The following CREBBP variants were observed in gnomAD, a reference collection of about 807,000 sequenced individuals.
The protein encoded by CREBBP is CREB binding lysine acetyltransferase, also known as CREB-binding protein.
In CREBBP, 19 loss-of-function variants were observed where a neutral mutation model predicts 265.0. The observed-to-expected ratio is 0.07, with a 90% confidence interval of 0.05 to 0.11. The LOEUF is 0.11. Among genes scored for constraint, CREBBP ranks in the 10% least tolerant of loss-of-function variants. The pLI is 1.00. For synonymous variants in CREBBP, 1,457 were observed against 1,223.7 expected (o/e 1.19, Z -3.98); for missense variants, 2,525 against 3,219.0 (o/e 0.78, Z 5.22).
chr16:3,837,839 A>C (rs2054486559), intron 2 of CREBBP, among the ~76,000 whole-genome samples: 1 of 152,230 alleles, frequency 6.6e-6, no homozygotes, highest in Admixed American at 6.5e-5. Context: ...AAATAAATTT[A>C]GCATGGCCTA....
At chr16:3,852,945 C>T (rs1567365329) in intron 1 of CREBBP, among the ~76,000 whole-genome samples, 2 of 149,148 alleles carry the variant, frequency 1.3e-5, no homozygotes, top group African/African-American at 5.0e-5. Context: ...ATATGTTCAT[C>T]TTAGTATTAT....
chr16:3,731,983 C>T lies in CREBBP; in HGVS notation c.4729-46G>A, dbSNP rs1596793747. ...GTGAGACCAGGCAAGTGCCCCTCCA[C>T]ACTTGGCACGGACGCCCAGCTCCCA... On this transcript the variant is annotated intron_variant, in intron 28 of 30. Transcript: ENST00000262367. This position sits in a 1 kb window ranked among gnomAD's most constrained non-coding sequence, Gnocchi z 7.7. 5 of 1,613,758 alleles carry T rather than the reference C, an allele frequency of 3.1e-6. No homozygotes were observed. The East Asian group carries it at 8.9e-5, about 29-fold the overall frequency.
intron 2 of CREBBP, 116 bp downstream of exon 2, chr16:3,850,181 C>A (rs569774034): frequency 5.2e-6 from 5 of 965,214 alleles, no homozygotes; most frequent in Non-Finnish European, 8.4e-6. Context: ...ATGAGTGGCA[C>A]GTGGAGAGCC....
At chr16:3,877,295 T>C (rs192479759) in intron 1 of CREBBP, among the ~76,000 whole-genome samples, 1 of 152,366 alleles carries the variant, frequency 6.6e-6, no homozygotes, top group Admixed American at 6.5e-5. Flanking sequence ...AGTTTTTGAA[T>C]GTATTTAATG....
intron 1 of CREBBP, among the ~76,000 whole-genome samples, chr16:3,855,370 C>T (rs1487218159): frequency 6.6e-6 from 1 of 152,194 alleles, no homozygotes; most frequent in Non-Finnish European, 1.5e-5. Flanking sequence ...CGGGTTCAAG[C>T]AATTCTCCAA....
intron 24 of CREBBP, 113 bp from the exon 25 acceptor site, chr16:3,739,837 C>T (rs2052157770): frequency 5.4e-6 from 8 of 1,471,556 alleles, no homozygotes; most frequent in Non-Finnish European, 6.6e-6. Flanking sequence ...GAGGCATGGC[C>T]ACCTCCTCAG....
chr16:3,748,344 A>G (rs773941014), intron 21 of CREBBP, among the ~76,000 whole-genome samples: 1 of 152,136 alleles, frequency 6.6e-6, no homozygotes, highest in Non-Finnish European at 1.5e-5. Context: ...CCAAGGAGAG[A>G]AAGACACAAT....
chr16:3,876,837 T>C (rs1003806839), intron 1 of CREBBP, among the ~76,000 whole-genome samples: 3 of 152,224 alleles, frequency 2.0e-5, no homozygotes, highest in Non-Finnish European at 4.4e-5. Context: ...GGCAACTTGT[T>C]TGTCATCAGT....
chr16:3,731,326 A>C lies in CREBBP; in HGVS notation c.5038T>G (p.Ser1680Ala). 1 of 1,614,060 alleles carries C rather than the reference A, an allele frequency of 6.2e-7. No homozygotes were observed. The change falls in exon 30 of 31, where the codon TCC becomes GCC. Residue 1680 changes from serine (S) to alanine (A), a missense_variant. By Grantham distance (99) the Ser-to-Ala change is moderately conservative. Transcript: ENST00000262367. The surrounding 1 kb of genome is among the most constrained non-coding windows in gnomAD (Gnocchi z 7.7). ...LARDKHWEFS[S>A]LRRSKWSTLC... ...GTGGACCACTTGGAGCGGCGCAAGG[A>C]GGAGAACTCCCAGTGCTTGTCTCTG...
At chr16:3,787,654 T>TTTTTGTTTTG in intron 5 of CREBBP, among the ~76,000 whole-genome samples, 1 of 151,886 alleles carries the variant, frequency 6.6e-6, no homozygotes, top group Non-Finnish European at 1.5e-5. Flanking sequence ...TTGTTTTGGT[T>TTTTTGTTTTG]TTTTGTTTTG....
intron 21 of CREBBP, 145 bp from the exon 22 acceptor site, chr16:3,745,499 C>G: frequency 1.4e-6 from 1 of 728,938 alleles, no homozygotes; most frequent in East Asian, 2.7e-5. Context: ...GCTGATTCAG[C>G]TATATTTTAC....
At chr16:3,849,435 GTGTGTGTGTGTGTGTGTGTGTGTGTGT>G (rs2054757560) in intron 2 of CREBBP, among the ~76,000 whole-genome samples, 2 of 15,726 alleles carry the variant, frequency 1.3e-4, no homozygotes, top group Non-Finnish European at 4.1e-4. Flanking sequence ...GTGTGTGTGT[GTGTGTGTGTGTGTGTGTGTGTGTGTGT>G]GTGTGTGTGT....
At chr16:3,829,035 T>C (rs1164737888) in intron 2 of CREBBP, among the ~76,000 whole-genome samples, 1 of 151,112 alleles carries the variant, frequency 6.6e-6, no homozygotes, top group African/African-American at 2.4e-5. Context: ...GCTATAGTCA[T>C]ATACATAATT....
At chr16:3,781,012 A>C (rs2053261646) in intron 7 of CREBBP, 134 bp from the exon 8 acceptor site, 1 of 1,154,690 alleles carries the variant, frequency 8.7e-7, no homozygotes, top group Non-Finnish European at 1.3e-6. Flanking sequence ...TAAATAAATA[A>C]AACTTAAACT....
intron 1 of CREBBP, among the ~76,000 whole-genome samples, chr16:3,851,963 G>C (rs1164809238): frequency 1.0e-3 from 139 of 137,974 alleles, no homozygotes; most frequent in African/African-American, 3.5e-3. Flanking sequence ...GCGTGAACCT[G>C]GGAGGCGGAG....
chr16:3,849,440 T>TGTGTGTGTG (rs1567360448), intron 2 of CREBBP, among the ~76,000 whole-genome samples: 44 of 14,886 alleles, frequency 3.0e-3, no homozygotes, highest in Non-Finnish European at 0.01. Context: ...TGTGTGTGTG[T>TGTGTGTGTG]GTGTGTGTGT....
intron 16 of CREBBP, among the ~76,000 whole-genome samples, chr16:3,762,728 G>A (rs974353438): frequency 6.6e-6 from 1 of 151,924 alleles, no homozygotes; most frequent in African/African-American, 2.4e-5. Flanking sequence ...TTTACCAAAC[G>A]AATAATATTA....
chr16:3,827,279 C>T (rs1287861596), intron 2 of CREBBP, among the ~76,000 whole-genome samples: 2 of 152,006 alleles, frequency 1.3e-5, no homozygotes, highest in African/African-American at 4.8e-5. Flanking sequence ...TTATACTATC[C>T]TTTGTTCTTG....
intron 2 of CREBBP, among the ~76,000 whole-genome samples, chr16:3,811,140 C>T (rs1291484515): frequency 2.0e-5 from 3 of 152,140 alleles, no homozygotes; most frequent in African/African-American, 7.2e-5. Flanking sequence ...TCCTTAATTA[C>T]TCTATAGGTA....
Sources: gnomAD v4.1 joint callset for allele counts (sites outside exome capture counted in the v4.1 genomes callset) on GRCh38, gnomAD v4.1.1 for gene constraint, Gnocchi (gnomAD v3.1) non-coding constraint, MANE v1.5 for transcripts, NCBI Gene and HGNC (gene_info 2026-07-23, HGNC 2026-07-21) for gene names.